The following C1GALT1 variants were observed in gnomAD, a reference collection of about 807,000 sequenced individuals.
C1GALT1 encodes core 1 synthase, glycoprotein-N-acetylgalactosamine 3-beta-galactosyltransferase 1.
C1GALT1 carries 11 observed loss-of-function variants against 31.0 expected under a neutral mutation model. That is an observed-to-expected ratio of 0.36 (90% CI 0.22 to 0.59). The LOEUF (loss-of-function observed/expected upper bound fraction) is 0.59. Ranked by LOEUF, C1GALT1 falls within the 20% of genes least tolerant of loss-of-function variation. The probability of loss-of-function intolerance (pLI) is 0.79; values close to 1 mark genes in which losing one functional copy is unlikely to be tolerated. For synonymous variants in C1GALT1, 175 were observed against 143.6 expected (o/e 1.22, Z -1.56); for missense variants, 424 against 425.2 (o/e 1.00, Z 0.03).
chr7:7,190,224 G>T (rs1348868561), intron 1 of C1GALT1, among the ~76,000 whole-genome samples: 1 of 152,142 alleles, frequency 6.6e-6, no homozygotes, highest in Non-Finnish European at 1.5e-5. Context: ...TATTTGATAA[G>T]CTTAAAGCAC....
At chr7:7,226,139 A>G (rs1782749528) in intron 1 of C1GALT1, among the ~76,000 whole-genome samples, 1 of 152,174 alleles carries the variant, frequency 6.6e-6, no homozygotes, top group South Asian at 2.1e-4. Context: ...GGTACCTCAC[A>G]TGTACTATAT....
intron 2 of C1GALT1, among the ~76,000 whole-genome samples, chr7:7,159,081 C>T (rs1562549844): frequency 6.6e-6 from 1 of 152,054 alleles, no homozygotes; most frequent in East Asian, 1.9e-4. Context: ...CAATTCATTG[C>T]TATCACCAGA....
chr7:7,188,153 T>C (rs1328071138), intron 1 of C1GALT1, among the ~76,000 whole-genome samples: 2 of 152,134 alleles, frequency 1.3e-5, no homozygotes, highest in African/African-American at 4.8e-5. Flanking sequence ...TAGGAAGTAA[T>C]GTTGGCAAGA....
intron 1 of C1GALT1, among the ~76,000 whole-genome samples, chr7:7,232,144 C>T (rs1783101867): frequency 6.6e-6 from 1 of 152,188 alleles, no homozygotes; most frequent in Admixed American, 6.5e-5. Flanking sequence ...TCTTTCCTTC[C>T]TTCTTCCAGA....
chr7:7,162,499 T>A (rs1244975877), intron 2 of C1GALT1, among the ~76,000 whole-genome samples: 3 of 151,976 alleles, frequency 2.0e-5, no homozygotes, highest in Admixed American at 6.6e-5. Context: ...CCACATTTTC[T>A]TAATCCAGTC....
intron 1 of C1GALT1, chr7:7,183,472 G>C (rs912014765): frequency 6.9e-6 from 3 of 434,512 alleles, no homozygotes; most frequent in African/African-American, 2.2e-5. Context: ...TGGGGCATTC[G>C]GGGCATGGAG....
At chr7:7,187,437 T>G (rs1780869185) in intron 1 of C1GALT1, among the ~76,000 whole-genome samples, 1 of 151,758 alleles carries the variant, frequency 6.6e-6, no homozygotes, top group Non-Finnish European at 1.5e-5. Context: ...TTTTTGTATT[T>G]TTAGTAGAGA....
At position 7,238,785 on chromosome 7, in the gene C1GALT1, A is replaced by G. The variant is rs186480840; in HGVS notation, c.751A>G (p.Asn251Asp). Reference sequence around the variant, plus strand: ...ACTGGGGAGATGCATGGAAATTATGAATGTAGAAGCAGGAGATTCCAGAGA... The same window carrying G: ...ACTGGGGAGATGCATGGAAATTATGGATGTAGAAGCAGGAGATTCCAGAGA... ...LALGRCMEIM[N>D]VEAGDSRDTI... Residue 251 changes from asparagine to aspartate, a missense_variant, in exon 3 of 4, where the codon AAT (asparagine) becomes GAT (aspartate). By Grantham distance (23) the Asn-to-Asp change is conservative. Transcript: ENST00000436587. The surrounding 1 kb of genome is among the most constrained non-coding windows in gnomAD (Gnocchi z 5.2). The G allele has an allele frequency of 5.2e-5, 84 of 1,613,782 alleles. No homozygotes were observed. In the East Asian group the frequency reaches 1.8e-3, roughly 36 times the overall value.
rs1405006908 is a variant in C1GALT1 at position 7,238,589 on chromosome 7, A to T, written c.555A>T (p.Lys185Asn). The change falls in exon 3 of 4, where the codon AAA becomes AAT. Residue 185 changes from lysine to asparagine, a missense_variant. Physicochemically the swap from Lys to Asn is moderately conservative, Grantham distance 94. This residue lies in a region of C1GALT1 where 44 missense variants were observed against 78.3 expected (regional missense o/e 0.56). Coordinates refer to ENST00000436587, the MANE Select transcript of C1GALT1 (RefSeq NM_020156.5). The surrounding 1 kb of genome is among the most constrained non-coding windows in gnomAD (Gnocchi z 5.2). ...ACAATTTGAGGTGGCTTCTTTCAAAATACGACCCTGAAGAACCCATTTACT... is the reference window on the plus strand; with the variant it reads ...ACAATTTGAGGTGGCTTCTTTCAAATTACGACCCTGAAGAACCCATTTACT... ...ILDNLRWLLS[K>N]YDPEEPIYFG... 1 of 1,614,044 alleles carries T rather than the reference A, an allele frequency of 6.2e-7. No homozygotes were observed. The highest frequency in any genetic ancestry group is 1.3e-5 in the African/African-American group (1 of 74,956).
chr7:7,159,420 G>GA (rs1554287273), intron 2 of C1GALT1, among the ~76,000 whole-genome samples: 1 of 151,928 alleles, frequency 6.6e-6, no homozygotes, highest in Non-Finnish European at 1.5e-5. Context: ...AGGAAAGAAA[G>GA]AAAACAGGAA....
chr7:7,241,782 G>C (rs1783639974), intron 3 of C1GALT1, among the ~76,000 whole-genome samples: 2 of 151,456 alleles, frequency 1.3e-5, no homozygotes, highest in South Asian at 4.2e-4. Flanking sequence ...AGTTTTTTTG[G>C]GTAACCATAA....
At chr7:7,188,468 G>A (rs1487991790) in intron 1 of C1GALT1, among the ~76,000 whole-genome samples, 3 of 151,896 alleles carry the variant, frequency 2.0e-5, no homozygotes, top group African/African-American at 7.3e-5. Context: ...AGAAATTAGT[G>A]GACTTTAATT....
chr7:7,181,234 A>G (rs570288192), upstream of C1GALT1, among the ~76,000 whole-genome samples: 12 of 149,706 alleles, frequency 8.0e-5, no homozygotes, highest in South Asian at 6.3e-4. Flanking sequence ...GTGGAAGGAT[A>G]TTGCGGAAAG....
chr7:7,175,477 T>C (rs990589050), intron 2 of C1GALT1, among the ~76,000 whole-genome samples: 1 of 152,248 alleles, frequency 6.6e-6, no homozygotes, highest in African/African-American at 2.4e-5. Context: ...TGCTTTTGAA[T>C]ATTTTAATTT....
chr7:7,227,609 A>G (rs1782831208), intron 1 of C1GALT1, among the ~76,000 whole-genome samples: 1 of 151,170 alleles, frequency 6.6e-6, no homozygotes, highest in Non-Finnish European at 1.5e-5. Flanking sequence ...AGTCCCAGCT[A>G]CTTGGGAGGC....
intron 1 of C1GALT1, among the ~76,000 whole-genome samples, chr7:7,195,151 G>C (rs1781230168): frequency 6.6e-6 from 1 of 151,784 alleles, no homozygotes. Flanking sequence ...TTTTTTGTTT[G>C]TTTCTTTCTT....
intron 1 of C1GALT1, among the ~76,000 whole-genome samples, chr7:7,187,594 A>T (rs1160083511): frequency 1.3e-5 from 2 of 152,204 alleles, no homozygotes; most frequent in African/African-American, 2.4e-5. Context: ...AGTAAAGGCC[A>T]GGGATGCTGG....
At chr7:7,200,635 A>G (rs527929963) in intron 1 of C1GALT1, among the ~76,000 whole-genome samples, 12 of 152,316 alleles carry the variant, frequency 7.9e-5, no homozygotes, top group South Asian at 2.1e-4. Flanking sequence ...AGGTACACCA[A>G]TAAGACGTAG....
intron 1 of C1GALT1, among the ~76,000 whole-genome samples, chr7:7,215,696 C>G (rs960970578): frequency 4.0e-5 from 6 of 149,700 alleles, no homozygotes; most frequent in Non-Finnish European, 7.4e-5. Context: ...TTTCTTTTCC[C>G]TTTTGGCGTA....
Sources: allele counts gnomAD v4.1 joint callset (sites outside exome capture counted in the v4.1 genomes callset), GRCh38; gene constraint gnomAD v4.1.1; regional missense constraint gnomAD v4.1.1; non-coding constraint Gnocchi (gnomAD v3.1); transcripts MANE v1.5; gene names NCBI Gene and HGNC (gene_info 2026-07-23, HGNC 2026-07-21).